The following SNX25 variants were observed in gnomAD, a reference collection of about 807,000 sequenced individuals.
The protein encoded by SNX25 is sorting nexin-25.
A neutral mutation model predicts 113.7 loss-of-function variants in SNX25; 62 were observed. That is an observed-to-expected ratio of 0.55 (90% CI 0.44 to 0.67). The LOEUF (loss-of-function observed/expected upper bound fraction) is 0.67. Ranked by LOEUF, SNX25 falls within the 30% of genes least tolerant of loss-of-function variation. The pLI, the probability that SNX25 is intolerant of heterozygous loss-of-function variation, is 0.00. For synonymous variants in SNX25, 421 were observed against 436.2 expected (o/e 0.97, Z 0.43); for missense variants, 1,014 against 1,161.0 (o/e 0.87, Z 1.84).
At chr4:185,260,402 C>T (rs1338293079) in intron 3 of SNX25, among the ~76,000 whole-genome samples, 1 of 151,784 alleles carries the variant, frequency 6.6e-6, no homozygotes, top group East Asian at 1.9e-4. Flanking sequence ...CAGGAGTGAA[C>T]TGTGCACAGG....
At chr4:185,296,895 AT>A (rs1175190413) in intron 6 of SNX25, among the ~76,000 whole-genome samples, 2 of 152,166 alleles carry the variant, frequency 1.3e-5, no homozygotes, top group African/African-American at 4.8e-5. Context: ...TGGTCATAGA[AT>A]TTGGGGAGCT....
chr4:185,304,017 G>A (rs941765171), intron 6 of SNX25, among the ~76,000 whole-genome samples: 24 of 152,346 alleles, frequency 1.6e-4, no homozygotes, highest in Non-Finnish European at 1.0e-4. Flanking sequence ...GGTAACTACT[G>A]AGAATTGCTG....
intron 6 of SNX25, among the ~76,000 whole-genome samples, chr4:185,299,162 C>T (rs140018072): frequency 6.6e-6 from 1 of 152,266 alleles, no homozygotes; most frequent in East Asian, 1.9e-4. Flanking sequence ...GTCATAAAGG[C>T]GAGAGGCTCT....
intron 5 of SNX25, among the ~76,000 whole-genome samples, chr4:185,270,540 C>T (rs116419259): frequency 3.7e-3 from 568 of 152,302 alleles, no homozygotes; most frequent in African/African-American, 0.011. Flanking sequence ...ATATAATTCA[C>T]GTACCATAGA....
chr4:185,344,921 TCAGTATAACAATGAATTTTCCC>T (rs1440027181), intron 12 of SNX25, among the ~76,000 whole-genome samples: 2 of 152,316 alleles, frequency 1.3e-5, no homozygotes, highest in African/African-American at 4.8e-5. Context: ...AAAATTTGTC[TCAGTATAACAATGAATTTTCCC>T]CAGAGTTGTT....
chr4:185,220,550 C>T (rs892197020), intron 1 of SNX25, among the ~76,000 whole-genome samples: 4 of 149,104 alleles, frequency 2.7e-5, no homozygotes, highest in Non-Finnish European at 5.9e-5. Context: ...TGTGCGATCG[C>T]GGCTTACTAC....
At chr4:185,335,866 TAAAA>T (rs1331192650) in intron 10 of SNX25, among the ~76,000 whole-genome samples, 1 of 152,176 alleles carries the variant, frequency 6.6e-6, no homozygotes, top group Non-Finnish European at 1.5e-5. Context: ...GTTATGGAAT[TAAAA>T]CAGACATGAA....
Position 185,266,980 on chromosome 4 carries a change from G to A in SNX25, c.916G>A (p.Val306Ile). The A allele has an allele frequency of 6.2e-7, 1 of 1,612,250 alleles. No individual in the cohort carries two copies. Residue 306 changes from valine to isoleucine, a missense_variant, in exon 5 of 19, where the codon GTA becomes ATA. By Grantham distance (29) the Val-to-Ile change is conservative. Coordinates refer to ENST00000652585, the MANE Select transcript of SNX25 (RefSeq NM_001378034.2). ...TCTTCTTCCTGTAGTCTTGAAGCCG[G>A]TAGTGGAGTTACTGAGTAATCCAGA... ...EILTTKVLKPVVELLSNPDYI... is the reference protein window; with the variant it reads ...EILTTKVLKPIVELLSNPDYI...
At chr4:185,224,014 A>T (rs1473527074) in intron 1 of SNX25, among the ~76,000 whole-genome samples, 3 of 152,160 alleles carry the variant, frequency 2.0e-5, no homozygotes, top group African/African-American at 7.2e-5. Context: ...TTGGTTCCTT[A>T]TCCTCTGAAG....
chr4:185,216,523 T>G (rs527409406), intron 1 of SNX25, among the ~76,000 whole-genome samples: 13,528 of 146,530 alleles, frequency 0.092, 704 homozygotes, highest in Non-Finnish European at 0.12. Context: ...GTTTTTTTTT[T>G]TTTTTTTTTT....
intron 2 of SNX25, among the ~76,000 whole-genome samples, chr4:185,253,083 T>C (rs1330952146): frequency 1.3e-5 from 2 of 151,922 alleles, no homozygotes; most frequent in Non-Finnish European, 2.9e-5. Flanking sequence ...AGACGACTTC[T>C]AAAAATCTTT....
rs1293624843 is a variant in SNX25, at chr4:185,277,738, T to A, written c.1092-10274T>A. Reference sequence around the variant, plus strand: ...TTATTACCTTTTTTTTTTTTTTTTTTTTTTTTTTTTTTGAGACGGAGTCTC... The same window carrying A: ...TTATTACCTTTTTTTTTTTTTTTTTATTTTTTTTTTTTGAGACGGAGTCTC... On this transcript the variant is annotated intron_variant, in intron 5 of 18. Transcript: ENST00000652585. Among the ~76,000 whole-genome samples the A allele has an allele frequency of 1.0e-3, 65 of 62,108 alleles. 8 individuals are homozygous for A. Among genetic ancestry groups the A allele is most frequent in the African/African-American group, 3.7e-3 (62 of 16,944 alleles). The allele number at this position is 62,108 out of a possible 152,430, so 40.7% of individuals were successfully genotyped here. A position where few individuals can be genotyped will look rare whatever the true frequency, so the allele number is the denominator to read the frequency against.
At chr4:185,289,517 G>A (rs1751852565) in intron 6 of SNX25, among the ~76,000 whole-genome samples, 1 of 152,248 alleles carries the variant, frequency 6.6e-6, no homozygotes. Context: ...AGGGAGAGAA[G>A]CCAAACACGA....
chr4:185,238,236 G>T (rs182887165), intron 1 of SNX25, among the ~76,000 whole-genome samples: 4 of 152,042 alleles, frequency 2.6e-5, no homozygotes, highest in Non-Finnish European at 5.9e-5. Context: ...CTAGAGAGGG[G>T]AGTGGCTGGG....
At chr4:185,369,759 A>G (rs749805800) in exon 12 of SNX25, 5 of 446,574 alleles carry the variant, frequency 1.1e-5, no homozygotes, top group African/African-American at 2.0e-5. Context: ...GGGAACTTCA[A>G]CAAATACGCT....
intron 9 of SNX25, among the ~76,000 whole-genome samples, chr4:185,324,965 G>A (rs71623002): frequency 6.9e-4 from 105 of 152,252 alleles, no homozygotes; most frequent in Non-Finnish European, 9.4e-4. Context: ...TTTTGAAAAA[G>A]GTTAATTAGG....
At chr4:185,239,920 G>T (rs12507014) in intron 1 of SNX25, among the ~76,000 whole-genome samples, 3,664 of 148,072 alleles carry the variant, frequency 0.025, 75 homozygotes, top group Middle Eastern at 0.063. Context: ...GCGGCCTTCC[G>T]CAGTGTTTGT....
chr4:185,320,380 A>C (rs113942178), intron 7 of SNX25, among the ~76,000 whole-genome samples: 2,149 of 152,320 alleles, frequency 0.014, 53 homozygotes, highest in African/African-American at 0.05. Flanking sequence ...ACAGGAACAG[A>C]AAACCAAACA....
chr4:185,210,254 G>C lies in SNX25; in HGVS notation c.428G>C (p.Gly143Ala), dbSNP rs1325053260. 4.1e-6 allele frequency: 4 copies of C among 984,832 alleles called. No homozygotes were observed. Among genetic ancestry groups the C allele is most frequent in the Non-Finnish European group, 4.8e-6 (4 of 830,056 alleles). 61.0% of individuals were successfully genotyped at this position (984,832 alleles called of 1,614,324 possible). ...AATSAARRPP[G>A]SPVYGNSHES... ...ACCTCAGCCGCCCGCCGCCCGCCGG[G>C]GGTAAGTACCCGACTCCTGGCCGCC... Residue 143 changes from glycine (G) to alanine (A), a missense_variant and splice_region_variant, in exon 1 of 19, where the codon GGG (glycine) becomes GCG (alanine). By Grantham distance (60) the Gly-to-Ala change is moderately conservative. Transcript: ENST00000652585. This position sits in a 1 kb window ranked among gnomAD's most constrained non-coding sequence, Gnocchi z 4.4.
Sources: gnomAD v4.1 joint callset for allele counts (sites outside exome capture counted in the v4.1 genomes callset) on GRCh38, gnomAD v4.1.1 for gene constraint, Gnocchi (gnomAD v3.1) non-coding constraint, MANE v1.5 for transcripts, NCBI Gene and HGNC (gene_info 2026-07-23, HGNC 2026-07-21) for gene names.